PCDH9: variants seen among roughly 807,000 people sequenced by gnomAD.
The protein encoded by PCDH9 is protocadherin-9.
In PCDH9, 24 loss-of-function variants were observed where a neutral mutation model predicts 70.6. The observed-to-expected ratio is 0.34, with a 90% CI of 0.25 to 0.48. The LOEUF (loss-of-function observed/expected upper bound fraction) is 0.48, where lower values mean the gene tolerates loss of function less well. Among genes scored for constraint, PCDH9 ranks in the 20% least tolerant of loss-of-function variants. The pLI, the probability that PCDH9 is intolerant of heterozygous loss-of-function variation, is 0.99. For synonymous variants in PCDH9, 562 were observed against 558.5 expected, an observed-to-expected ratio of 1.01 and a Z score of -0.09; for missense variants, 1,281 against 1,503.6, an observed-to-expected ratio of 0.85 and a Z score of 2.45.
chr13:66,459,660 T>C (rs1958385035), intron 4 of PCDH9, among the ~76,000 whole-genome samples: 1 of 151,998 alleles, frequency 6.6e-6, no homozygotes, highest in Admixed American at 6.6e-5. Flanking sequence ...CACTTCAGCA[T>C]CCAGCTGCTT....
At chr13:67,124,621 A>G (rs1256337920) in intron 2 of PCDH9, among the ~76,000 whole-genome samples, 1 of 152,164 alleles carries the variant, frequency 6.6e-6, no homozygotes, top group African/African-American at 2.4e-5. Flanking sequence ...TTCAAGCAAC[A>G]TTATTCTTTA....
At chr13:66,899,230 T>A (rs1438708608) in intron 3 of PCDH9, among the ~76,000 whole-genome samples, 1 of 151,992 alleles carries the variant, frequency 6.6e-6, no homozygotes, top group Non-Finnish European at 1.5e-5. Context: ...TCAAAATGGT[T>A]TTCTCAATTT....
intron 4 of PCDH9, among the ~76,000 whole-genome samples, chr13:66,581,432 G>A (rs772048243): frequency 2.6e-5 from 4 of 152,148 alleles, no homozygotes; most frequent in African/African-American, 7.2e-5. Context: ...TCTGTTGTGC[G>A]TTTTTTGTCT....
chr13:66,710,123 C>G (rs1009103710), intron 3 of PCDH9, among the ~76,000 whole-genome samples: 1 of 152,106 alleles, frequency 6.6e-6, no homozygotes, highest in Non-Finnish European at 1.5e-5. Context: ...ACTACACAGT[C>G]TGATATGAGA....
intron 2 of PCDH9, among the ~76,000 whole-genome samples, chr13:67,182,119 G>A (rs1285309008): frequency 6.6e-6 from 1 of 152,102 alleles, no homozygotes; most frequent in Non-Finnish European, 1.5e-5. Flanking sequence ...ACAGTGATGG[G>A]TCTCAAATAT....
intron 4 of PCDH9, 49 bp downstream of exon 4, chr13:66,631,161 T>C: frequency 1.0e-6 from 1 of 961,178 alleles, no homozygotes; most frequent in Admixed American, 1.7e-5. Flanking sequence ...TCAAGTGCAC[T>C]ACAAAACCAG....
intron 2 of PCDH9, among the ~76,000 whole-genome samples, chr13:66,978,047 C>T (rs895589729): frequency 3.3e-5 from 5 of 152,092 alleles, no homozygotes; most frequent in African/African-American, 1.2e-4. Context: ...AAAAGAAACA[C>T]TAAAATGTTC....
At chr13:67,223,588 T>C (rs2089780945) in intron 2 of PCDH9, 1 of 152,202 alleles carries the variant, frequency 6.6e-6, no homozygotes, top group Non-Finnish European at 1.5e-5. Context: ...CAAACTCATT[T>C]AGTTTCATAA....
intron 2 of PCDH9, among the ~76,000 whole-genome samples, chr13:67,078,929 G>A (rs540018730): frequency 6.6e-6 from 1 of 152,238 alleles, no homozygotes; most frequent in African/African-American, 2.4e-5. Context: ...GCAGTGGCCA[G>A]TCTGGACCTA....
intron 2 of PCDH9, among the ~76,000 whole-genome samples, chr13:66,947,956 T>C (rs977654848): frequency 1.3e-5 from 2 of 152,088 alleles, no homozygotes; most frequent in Admixed American, 6.6e-5. Flanking sequence ...TGGAACTATC[T>C]AACCTAGAGG....
intron 2 of PCDH9, among the ~76,000 whole-genome samples, chr13:67,154,986 G>A (rs912701630): frequency 1.5e-4 from 23 of 151,988 alleles, no homozygotes; most frequent in Non-Finnish European, 2.6e-4. Flanking sequence ...GGTGGCATGA[G>A]CCTGGCCTAT....
At chr13:66,888,968 G>C (rs1167978625) in intron 3 of PCDH9, among the ~76,000 whole-genome samples, 4 of 152,154 alleles carry the variant, frequency 2.6e-5, no homozygotes, top group Non-Finnish European at 2.9e-5. Context: ...AGATTCACAA[G>C]CTCAATTGTA....
chr13:66,397,520 TATATGTATATATACACATATATGTCG>T lies in PCDH9; in HGVS notation c.3341-92518_3341-92493del, dbSNP rs200487271. ...TACACACACAAAATGTATGTCGATA[TATATGTATATATACACATATATGTCG>T]ATATATATGTGTATATATGTATACA... On this transcript the variant is annotated intron_variant, in intron 4 of 4. Transcript: ENST00000377865. Among the ~76,000 whole-genome samples the T allele has an allele frequency of 4.8e-3, 734 of 151,420 alleles. 22 individuals carry two copies. The East Asian group carries it at 0.074, about 15-fold the overall frequency.
At chr13:66,665,682 A>G (rs2078086857) in intron 3 of PCDH9, among the ~76,000 whole-genome samples, 1 of 152,088 alleles carries the variant, frequency 6.6e-6, no homozygotes, top group African/African-American at 2.4e-5. Flanking sequence ...TAATGTGGTC[A>G]TCTTATGTTC....
chr13:67,195,301 C>G (rs544378911), intron 2 of PCDH9, among the ~76,000 whole-genome samples: 2 of 152,030 alleles, frequency 1.3e-5, no homozygotes, highest in Non-Finnish European at 2.9e-5. Flanking sequence ...CCCTCCACCA[C>G]GCCCCGCTAA....
intron 3 of PCDH9, among the ~76,000 whole-genome samples, chr13:66,682,358 AT>A (rs2078336611): frequency 1.1e-4 from 1 of 9,090 alleles, no homozygotes; most frequent in African/African-American, 6.6e-4. Context: ...TTTATTATCT[AT>A]CTATCTATCT....
chr13:66,446,191 C>G, intron 4 of PCDH9, among the ~76,000 whole-genome samples: 1 of 151,910 alleles, frequency 6.6e-6, no homozygotes, highest in East Asian at 1.9e-4. Context: ...ATTTTTGAAA[C>G]AGAAAGTCCA....
chr13:66,804,655 G>A (rs182589959), intron 3 of PCDH9, among the ~76,000 whole-genome samples: 10 of 152,214 alleles, frequency 6.6e-5, no homozygotes, highest in African/African-American at 2.4e-4. Flanking sequence ...AGTCCTGGAA[G>A]AGTTAAGTTA....
chr13:66,866,647 A>G (rs138019863), intron 3 of PCDH9, among the ~76,000 whole-genome samples: 1 of 151,604 alleles, frequency 6.6e-6, no homozygotes, highest in African/African-American at 2.4e-5. Flanking sequence ...AAATACAAAA[A>G]TTAGCCGGCC....
Sources: allele counts gnomAD v4.1 joint callset (sites outside exome capture counted in the v4.1 genomes callset), GRCh38; gene constraint gnomAD v4.1.1; transcripts MANE v1.5; gene names NCBI Gene and HGNC (gene_info 2026-07-23, HGNC 2026-07-21).